The following DCHS2 variants were observed in gnomAD, a reference collection of about 807,000 sequenced individuals.
The protein encoded by DCHS2 is dachsous cadherin-related 2, also known as protocadherin-23.
In DCHS2, 142 loss-of-function variants were observed where a neutral mutation model predicts 182.4. That is an observed-to-expected ratio of 0.78 (90% CI 0.68 to 0.89). The LOEUF is 0.89. Ranked by LOEUF, DCHS2 falls within the 40% of genes least tolerant of loss-of-function variation. The probability of loss-of-function intolerance (pLI) is 0.00; values close to 1 mark genes in which losing one functional copy is unlikely to be tolerated. For synonymous variants in DCHS2, 1,740 were observed against 1,663.3 expected (o/e 1.05, Z -1.12); for missense variants, 4,319 against 4,198.6 (o/e 1.03, Z -0.79).
At chr4:154,244,226 G>A (rs891670581) in intron 16 of DCHS2, among the ~76,000 whole-genome samples, 1 of 152,114 alleles carries the variant, frequency 6.6e-6, no homozygotes, top group African/African-American at 2.4e-5. Context: ...CTTTTCTATA[G>A]TAAGTATTGA....
At chr4:154,414,822 G>A (rs780050764) in intron 1 of DCHS2, among the ~76,000 whole-genome samples, 46 of 152,268 alleles carry the variant, frequency 3.0e-4, no homozygotes, top group Non-Finnish European at 5.7e-4. Context: ...TCCTAAATGG[G>A]ATACTGCAGG....
chr4:154,262,386 C>T (rs1733031092), intron 14 of DCHS2, among the ~76,000 whole-genome samples: 1 of 152,190 alleles, frequency 6.6e-6, no homozygotes, highest in East Asian at 1.9e-4. Context: ...TTCACAAAGA[C>T]ATCAAGCGTG....
chr4:154,341,917 TA>T (rs1363696146), intron 3 of DCHS2, among the ~76,000 whole-genome samples: 3 of 151,776 alleles, frequency 2.0e-5, no homozygotes, highest in Non-Finnish European at 2.9e-5. Flanking sequence ...TTTTTAATTT[TA>T]TTTTTTTAAT....
chr4:154,394,017 T>C (rs567986404), intron 1 of DCHS2, among the ~76,000 whole-genome samples: 8 of 152,254 alleles, frequency 5.3e-5, no homozygotes, highest in African/African-American at 1.7e-4. Flanking sequence ...AAAAACACAG[T>C]TGACAAAAAC....
chr4:154,326,528 T>A (rs1330098158), intron 7 of DCHS2, among the ~76,000 whole-genome samples: 1 of 152,222 alleles, frequency 6.6e-6, no homozygotes, highest in Non-Finnish European at 1.5e-5. Context: ...GCCATATATA[T>A]AACCAGTCTC....
At chr4:154,428,916 A>AC (rs1215570658) in intron 1 of DCHS2, among the ~76,000 whole-genome samples, 1 of 152,128 alleles carries the variant, frequency 6.6e-6, no homozygotes, top group African/African-American at 2.4e-5. Context: ...TCTCAAAGAA[A>AC]AAAAAGGAAA....
intron 1 of DCHS2, among the ~76,000 whole-genome samples, chr4:154,450,575 G>C (rs905465916): frequency 1.3e-5 from 2 of 152,198 alleles, no homozygotes; most frequent in African/African-American, 2.4e-5. Flanking sequence ...GTTCATGCCT[G>C]TAATCCCAGC....
At chr4:154,360,092 G>A (rs1317367276) in intron 3 of DCHS2, among the ~76,000 whole-genome samples, 2 of 151,962 alleles carry the variant, frequency 1.3e-5, no homozygotes, top group Non-Finnish European at 2.9e-5. Flanking sequence ...GAATTTTAGA[G>A]TCTTCAGTCT....
intron 13 of DCHS2, among the ~76,000 whole-genome samples, chr4:154,295,077 T>C (rs554535777): frequency 3.9e-4 from 59 of 152,348 alleles, no homozygotes; most frequent in Admixed American, 9.8e-4. Context: ...TCAGTCTCTT[T>C]CATATTGGTG....
chr4:154,461,073 G>A (rs2110997609), intron 1 of DCHS2, among the ~76,000 whole-genome samples: 1 of 152,184 alleles, frequency 6.6e-6, no homozygotes, highest in Non-Finnish European at 1.5e-5. Flanking sequence ...CAAACATCAG[G>A]TCCTCAGAAA....
At chr4:154,416,314 T>C (rs1436853291) in intron 1 of DCHS2, among the ~76,000 whole-genome samples, 1 of 152,212 alleles carries the variant, frequency 6.6e-6, no homozygotes, top group Non-Finnish European at 1.5e-5. Flanking sequence ...TTCTATTTCC[T>C]GCCAGAGGGA....
intron 12 of DCHS2, among the ~76,000 whole-genome samples, chr4:154,302,261 T>A (rs932432948): frequency 2.0e-5 from 3 of 152,228 alleles, no homozygotes; most frequent in Non-Finnish European, 2.9e-5. Flanking sequence ...CTTAAAAAAA[T>A]CATATTTCAA....
intron 1 of DCHS2, among the ~76,000 whole-genome samples, chr4:154,459,525 C>T (rs1300463810): frequency 6.6e-6 from 1 of 152,200 alleles, no homozygotes; most frequent in Admixed American, 6.5e-5. Context: ...CCAGTCCTCC[C>T]TGTCTGATAT....
intron 3 of DCHS2, among the ~76,000 whole-genome samples, chr4:154,340,507 C>T (rs1471567535): frequency 6.6e-6 from 1 of 152,158 alleles, no homozygotes; most frequent in Non-Finnish European, 1.5e-5. Context: ...ATAGCCCCTC[C>T]AAATCCCCAA....
intron 1 of DCHS2, among the ~76,000 whole-genome samples, chr4:154,448,167 G>A (rs1163028813): frequency 6.6e-6 from 1 of 152,080 alleles, no homozygotes; most frequent in Non-Finnish European, 1.5e-5. Flanking sequence ...CATCTCAGGT[G>A]CTCCTTTGCA....
At chr4:154,334,018 A>G (rs1301501112) in intron 4 of DCHS2, 5 of 153,612 alleles carry the variant, frequency 3.3e-5, no homozygotes, top group African/African-American at 1.2e-4. Flanking sequence ...GTACGAAAAG[A>G]ATGTCCAATG....
At chr4:154,357,537 A>G (rs902855297) in intron 3 of DCHS2, among the ~76,000 whole-genome samples, 1 of 152,204 alleles carries the variant, frequency 6.6e-6, no homozygotes, top group Non-Finnish European at 1.5e-5. Context: ...TCAGTACTGC[A>G]CAAAGCCTTC....
At chr4:154,250,723 CTT>C (rs1732312060) in intron 16 of DCHS2, among the ~76,000 whole-genome samples, 1 of 152,162 alleles carries the variant, frequency 6.6e-6, no homozygotes, top group Non-Finnish European at 1.5e-5. Flanking sequence ...ATGTAACAGA[CTT>C]TTCATTGCTG....
chr4:154,308,698 T>G (rs892857642), intron 10 of DCHS2, among the ~76,000 whole-genome samples: 2 of 152,214 alleles, frequency 1.3e-5, no homozygotes, highest in African/African-American at 4.8e-5. Flanking sequence ...GTATATAGTT[T>G]GTCATTAATT....
Sources: gnomAD v4.1 joint callset for allele counts (sites outside exome capture counted in the v4.1 genomes callset) on GRCh38, gnomAD v4.1.1 for gene constraint, MANE v1.5 for transcripts, NCBI Gene and HGNC (gene_info 2026-07-23, HGNC 2026-07-21) for gene names.